Variants in PRKCB observed in about 807,000 individuals in gnomAD.
The protein encoded by PRKCB is protein kinase C beta, also known as protein kinase C beta type.
Under a neutral mutation model 81.5 loss-of-function variants are expected in PRKCB, and 13 were observed. The observed-to-expected ratio is 0.16, with a 90% CI of 0.10 to 0.25. PRKCB has a LOEUF of 0.25. Among genes scored for constraint, PRKCB ranks in the 10% least tolerant of loss-of-function variants. PRKCB has a pLI of 1.00. For synonymous variants in PRKCB, 335 were observed against 321.4 expected (o/e 1.04, Z -0.45); for missense variants, 509 against 875.7 (o/e 0.58, Z 5.29).
chr16:24,114,984 G>A (rs1966719837), intron 8 of PRKCB, among the ~76,000 whole-genome samples: 1 of 152,152 alleles, frequency 6.6e-6, no homozygotes. Context: ...AACAGCAATG[G>A]AAGTTTACCA....
intron 10 of PRKCB, among the ~76,000 whole-genome samples, chr16:24,165,657 C>T (rs1391431648): frequency 6.6e-6 from 1 of 152,012 alleles, no homozygotes; most frequent in African/African-American, 2.4e-5. Context: ...ATTGATGTAC[C>T]AGAGCCAGAC....
chr16:24,008,218 G>A (rs1648118477), intron 3 of PRKCB, among the ~76,000 whole-genome samples: 1 of 152,198 alleles, frequency 6.6e-6, no homozygotes, highest in African/African-American at 2.4e-5. Flanking sequence ...TCTGGCCCGT[G>A]GGGCTATGCT....
chr16:24,083,326 T>C (rs897837404), intron 5 of PRKCB, among the ~76,000 whole-genome samples: 1 of 152,162 alleles, frequency 6.6e-6, no homozygotes, highest in African/African-American at 2.4e-5. Flanking sequence ...AACTGAATGA[T>C]CCCACTCCTA....
intron 9 of PRKCB, among the ~76,000 whole-genome samples, chr16:24,136,103 T>G (rs1304924774): frequency 6.6e-6 from 1 of 151,782 alleles, no homozygotes; most frequent in Non-Finnish European, 1.5e-5. Flanking sequence ...CGTGTTTTTT[T>G]TTTTTTTTTT....
At chr16:24,069,978 C>T (rs568721162) in intron 5 of PRKCB, among the ~76,000 whole-genome samples, 1 of 152,050 alleles carries the variant, frequency 6.6e-6, no homozygotes, top group Non-Finnish European at 1.5e-5. Flanking sequence ...TGGGCTATGG[C>T]GTCACCACTG....
Position 24,185,537 on chromosome 16 carries a change from G to A in PRKCB, c.1692G>A (p.Met564Ile). The A allele has an allele frequency of 6.2e-7, 1 of 1,614,124 alleles. No individual in the cohort carries two copies. The highest frequency in any genetic ancestry group is 8.5e-7 in the Non-Finnish European group (1 of 1,179,954). Residue 564 changes from methionine (M) to isoleucine (I), a missense_variant, in exon 15 of 17, where the codon ATG becomes ATA. Physicochemically the swap from Met to Ile is conservative, Grantham distance 10. This residue lies in a region of PRKCB where 104 missense variants were observed against 160.5 expected (regional missense o/e 0.65). Transcript: ENST00000643927. ...MEHNVAYPKS[M>I]SKEAVAICKG... The stretch of plus-strand genomic sequence containing the variant: ...ACAACGTAGCCTATCCCAAGTCTAT[G>A]TCCAAGGAAGCTGTGGCCATCTGCA...
At position 24,216,936 on chromosome 16, in the gene PRKCB, AG is replaced by A. The variant is rs1268791453; in HGVS notation, c.*2122del. The A allele has an allele frequency of 6.1e-6, 6 of 985,326 alleles. No homozygotes were observed. 61.0% of individuals were successfully genotyped at this position (985,326 alleles called of 1,614,324 possible). ...GCAAGGCAGCAGACATCTCTGAGCC[AG>A]GCCCACCAACAGGCCCTTATCTGGT... On this transcript the variant is annotated 3_prime_UTR_variant, in exon 17 of 17. Transcript: ENST00000643927.
chr16:23,998,595 G>T (rs1244591277), intron 3 of PRKCB, among the ~76,000 whole-genome samples: 8 of 152,158 alleles, frequency 5.3e-5, no homozygotes, highest in African/African-American at 1.7e-4. Context: ...AGATTCCTCA[G>T]CTAAAAAATG....
At chr16:24,126,052 A>G (rs1451269710) in intron 9 of PRKCB, among the ~76,000 whole-genome samples, 2 of 152,218 alleles carry the variant, frequency 1.3e-5, no homozygotes, top group African/African-American at 2.4e-5. Flanking sequence ...TATGGAAGAA[A>G]GAGAGTTAAG....
intron 7 of PRKCB, among the ~76,000 whole-genome samples, chr16:24,112,621 C>A (rs1295019465): frequency 2.6e-5 from 4 of 152,130 alleles, no homozygotes; most frequent in African/African-American, 9.7e-5. Flanking sequence ...TAAGAAACTA[C>A]TTAATGGACA....
At chr16:24,148,447 C>T (rs189768857) in intron 9 of PRKCB, among the ~76,000 whole-genome samples, 5 of 152,308 alleles carry the variant, frequency 3.3e-5, no homozygotes, top group Admixed American at 3.3e-4. Flanking sequence ...GTGTCTGACA[C>T]ATCCTAGACC....
At chr16:23,898,231 A>G (rs1963412291) in intron 2 of PRKCB, among the ~76,000 whole-genome samples, 1 of 151,852 alleles carries the variant, frequency 6.6e-6, no homozygotes, top group Non-Finnish European at 1.5e-5. Flanking sequence ...ACACCTCGCT[A>G]ATTTTTTGTA....
Position 23,836,638 on chromosome 16 carries a change from CCTGA to C in PRKCB, c.173+293_173+296del, listed in dbSNP as rs1962164226. Among the ~76,000 whole-genome samples the C allele has an allele frequency of 2.0e-5, 3 of 151,778 alleles. No individual in the cohort carries two copies. The South Asian group carries it at 6.2e-4, about 32-fold the overall frequency. On this transcript the variant is annotated intron_variant, in intron 1 of 16. Transcript: ENST00000643927. ...CGGCGTCGCGGGAGCCTTTGCTCCA[CCTGA>C]CTAGGAGCGCGCGGGGTCTGTGCCT...
chr16:23,895,859 C>T (rs1963370631), intron 2 of PRKCB, among the ~76,000 whole-genome samples: 1 of 152,172 alleles, frequency 6.6e-6, no homozygotes, highest in African/African-American at 2.4e-5. Context: ...TTTATGAATA[C>T]AAAATATCCA....
intron 3 of PRKCB, among the ~76,000 whole-genome samples, chr16:24,029,994 G>A (rs961570190): frequency 6.6e-6 from 1 of 152,024 alleles, no homozygotes; most frequent in Non-Finnish European, 1.5e-5. Context: ...TGAATTCTTG[G>A]GCTCAAGTGA....
rs187705071 is a variant in PRKCB at position 23,994,431 on chromosome 16, A to T, written c.288+5841A>T. Among the ~76,000 whole-genome samples the T allele has an allele frequency of 8.7e-4, 133 of 152,334 alleles. 1 individual carries two copies. Among genetic ancestry groups the T allele is most frequent in the African/African-American group, 3.0e-3 (123 of 41,586 alleles). ...AGAGTGAGGCCCACTATGATGGGTG[A>T]AGCCAAGAGGAAGCCATTAGAACTG... On this transcript the variant is annotated intron_variant, in intron 3 of 16. Transcript: ENST00000643927.
intron 2 of PRKCB, among the ~76,000 whole-genome samples, chr16:23,933,167 A>G (rs373427183): frequency 7.2e-5 from 11 of 152,072 alleles, no homozygotes; most frequent in South Asian, 6.2e-4. Flanking sequence ...TGGGCACTGG[A>G]CCCAGTTTGG....
At chr16:24,192,504 A>C (rs922269618) in intron 16 of PRKCB, among the ~76,000 whole-genome samples, 8 of 152,354 alleles carry the variant, frequency 5.3e-5, no homozygotes, top group Admixed American at 6.5e-5. Context: ...TTCAGGAAAC[A>C]GGGAACTCAG....
rs116895550 is a variant in PRKCB at position 24,046,329 on chromosome 16, C to T, written c.529+10782C>T. Among the ~76,000 whole-genome samples, 18 of 152,354 alleles carry T rather than the reference C, an allele frequency of 1.2e-4. No individual in the cohort carries two copies. The East Asian group carries it at 3.3e-3, about 28-fold the overall frequency. ...CCAACAAGTATTTGTTGGGGGCCTC[C>T]CATGTGCTGGGCACTGCTTACAGGC... On this transcript the variant is annotated intron_variant, in intron 5 of 16. Coordinates refer to ENST00000643927, the MANE Select transcript of PRKCB (RefSeq NM_002738.7).
Sources: gnomAD v4.1 joint callset for allele counts (sites outside exome capture counted in the v4.1 genomes callset) on GRCh38, gnomAD v4.1.1 for gene constraint, gnomAD v4.1.1 regional missense constraint, MANE v1.5 for transcripts, NCBI Gene and HGNC (gene_info 2026-07-23, HGNC 2026-07-21) for gene names.